Variants in AKT3 observed in about 807,000 individuals in gnomAD.
The protein encoded by AKT3 is RAC-gamma serine/threonine-protein kinase.
In AKT3, 15 loss-of-function variants were observed where a neutral mutation model predicts 65.3. The observed-to-expected ratio is 0.23, with a 90% CI of 0.15 to 0.35. The LOEUF (loss-of-function observed/expected upper bound fraction) is 0.35, where lower values mean the gene tolerates loss of function less well. Ranked by LOEUF, AKT3 falls within the 10% of genes least tolerant of loss-of-function variation. The pLI, the probability that AKT3 is intolerant of heterozygous loss-of-function variation, is 1.00. For synonymous variants in AKT3, 206 were observed against 183.8 expected (o/e 1.12, Z -0.98); for missense variants, 243 against 576.5 (o/e 0.42, Z 5.92).
chr1:243,701,826 C>G (rs1025007604), intron 2 of AKT3, among the ~76,000 whole-genome samples: 3 of 152,122 alleles, frequency 2.0e-5, no homozygotes, highest in African/African-American at 7.2e-5. Flanking sequence ...ACGGTGGGAG[C>G]ATCCTCACAT....
intron 4 of AKT3, among the ~76,000 whole-genome samples, chr1:243,652,771 C>CCA (rs761535967): frequency 6.4e-3 from 200 of 31,292 alleles, no homozygotes; most frequent in African/African-American, 0.025. Context: ...AAATAGAAAG[C>CCA]AAAAAAAAAA....
chr1:243,796,844 C>T (rs1420147545), intron 2 of AKT3, among the ~76,000 whole-genome samples: 1 of 152,016 alleles, frequency 6.6e-6, no homozygotes, highest in African/African-American at 2.4e-5. Context: ...ATGGATGAAC[C>T]TGGAAAACAC....
At chr1:243,680,143 A>T (rs1469712147) in intron 3 of AKT3, among the ~76,000 whole-genome samples, 1 of 152,172 alleles carries the variant, frequency 6.6e-6, no homozygotes, top group African/African-American at 2.4e-5. Flanking sequence ...AAAACATTAA[A>T]AATGTCTAAA....
chr1:243,790,355 T>C (rs1409023822), intron 2 of AKT3, among the ~76,000 whole-genome samples: 1 of 152,236 alleles, frequency 6.6e-6, no homozygotes, highest in Non-Finnish European at 1.5e-5. Flanking sequence ...TTTGCATTTT[T>C]ATGTTACGGA....
chr1:243,572,874 T>A (rs1233593833), intron 9 of AKT3, 52 bp downstream of exon 9: 3 of 1,520,436 alleles, frequency 2.0e-6, no homozygotes, highest in Admixed American at 2.0e-5. Context: ...TTTATGTTTG[T>A]CCCTATAGTC....
chr1:243,712,918 C>T (rs905135272), intron 2 of AKT3, among the ~76,000 whole-genome samples: 3 of 152,076 alleles, frequency 2.0e-5, no homozygotes, highest in South Asian at 2.1e-4. Context: ...TAAAAATGCA[C>T]GCTTGTCATT....
chr1:243,799,021 C>T (rs548910826), intron 2 of AKT3, among the ~76,000 whole-genome samples: 90 of 152,314 alleles, frequency 5.9e-4, no homozygotes, highest in Admixed American at 2.7e-3. Flanking sequence ...ACAGTTATTG[C>T]ACTTTTCTGA....
Position 243,731,471 on chromosome 1 carries a change from G to A in AKT3, c.47-35755C>T, listed in dbSNP as rs74366611. On this transcript the variant is annotated intron_variant, in intron 2 of 13. Coordinates refer to ENST00000673466, the MANE Select transcript of AKT3 (RefSeq NM_005465.7). Reference sequence around the variant, plus strand: ...AACAGTAACTAGGATAAGCCAAGGCGTCCTCTACACACATAGTGAGGCCAG... The same window carrying A: ...AACAGTAACTAGGATAAGCCAAGGCATCCTCTACACACATAGTGAGGCCAG... Among the ~76,000 whole-genome samples, 1,006 of 152,278 alleles carry A rather than the reference G, an allele frequency of 6.6e-3. 13 individuals are homozygous for A. Among genetic ancestry groups the A allele is most frequent in the African/African-American group, 0.023 (957 of 41,552 alleles).
chr1:243,613,076 T>TAC (rs1196629265), intron 8 of AKT3: 61 of 89,544 alleles, frequency 6.8e-4, no homozygotes, highest in African/African-American at 1.7e-3. Context: ...TATATATATA[T>TAC]ACACACACAC....
At chr1:243,569,781 A>G (rs1272969790) in intron 9 of AKT3, among the ~76,000 whole-genome samples, 1 of 152,242 alleles carries the variant, frequency 6.6e-6, no homozygotes, top group African/African-American at 2.4e-5. Flanking sequence ...ATGATTTCCA[A>G]TATAGTTATA....
chr1:243,712,398 T>G (rs538914153), intron 2 of AKT3, among the ~76,000 whole-genome samples: 1 of 152,170 alleles, frequency 6.6e-6, no homozygotes, highest in Non-Finnish European at 1.5e-5. Flanking sequence ...CAGAAAGACA[T>G]TACTCTGGAC....
At chr1:243,766,474 G>A (rs1689831660) in intron 2 of AKT3, among the ~76,000 whole-genome samples, 2 of 152,184 alleles carry the variant, frequency 1.3e-5, no homozygotes, top group Admixed American at 1.3e-4. Context: ...TTCTGCCAGG[G>A]AAAGGCAAGA....
In AKT3 at chr1:243,646,043, A is replaced by T; in HGVS notation, c.285-6T>A. ...TAGCTTCTGTCCATTCTTCCCTATA[A>T]AAATGAGTAAAATTTCCCATTAATA... On this transcript the variant is annotated splice_polypyrimidine_tract_variant and splice_region_variant and intron_variant, in intron 4 of 13. Transcript: ENST00000673466. 1 of 1,579,780 alleles carries T rather than the reference A, an allele frequency of 6.3e-7. No individual in the cohort carries two copies. The highest frequency in any genetic ancestry group is 8.6e-7 in the Non-Finnish European group (1 of 1,168,832).
intron 2 of AKT3, among the ~76,000 whole-genome samples, chr1:243,832,000 G>A (rs1434850991): frequency 6.6e-6 from 1 of 151,200 alleles, no homozygotes. Context: ...GACTAGAGAG[G>A]CCACCAACAG....
At position 243,588,431 on chromosome 1, in the gene AKT3, G is replaced by T. The variant is rs1675959209; in HGVS notation, c.697-15383C>A. Among the ~76,000 whole-genome samples, 3 of 152,138 alleles carry T rather than the reference G, an allele frequency of 2.0e-5. No individual in the cohort carries two copies. In the South Asian group the frequency reaches 6.2e-4, roughly 32 times the overall value. The stretch of plus-strand genomic sequence containing the variant: ...TGAAACCTGAACTTACACGAACAAA[G>T]CTAACATCAATACTGAAATATCAAT... On this transcript the variant is annotated intron_variant, in intron 8 of 13. Coordinates refer to ENST00000673466, the MANE Select transcript of AKT3 (RefSeq NM_005465.7).
At chr1:243,805,646 T>A (rs552596760) in intron 2 of AKT3, among the ~76,000 whole-genome samples, 1 of 152,184 alleles carries the variant, frequency 6.6e-6, no homozygotes. Flanking sequence ...CATTTCCTCA[T>A]GCACACCGCT....
At chr1:243,742,116 A>G (rs1688196372) in intron 2 of AKT3, among the ~76,000 whole-genome samples, 1 of 151,570 alleles carries the variant, frequency 6.6e-6, no homozygotes, top group Admixed American at 6.6e-5. Context: ...TGCAAATGTT[A>G]CACCATTGTA....
intron 5 of AKT3, among the ~76,000 whole-genome samples, chr1:243,642,819 T>C (rs938580311): frequency 6.6e-6 from 1 of 152,238 alleles, no homozygotes. Context: ...CACCAGAATA[T>C]AAGACACTGT....
chr1:243,819,277 G>A (rs1693714717), intron 2 of AKT3, among the ~76,000 whole-genome samples: 1 of 152,246 alleles, frequency 6.6e-6, no homozygotes, highest in Non-Finnish European at 1.5e-5. Flanking sequence ...AGCCAGCACT[G>A]TAGCTCCAGT....
Sources: gnomAD v4.1 joint callset for allele counts (sites outside exome capture counted in the v4.1 genomes callset) on GRCh38, gnomAD v4.1.1 for gene constraint, MANE v1.5 for transcripts, NCBI Gene and HGNC (gene_info 2026-07-23, HGNC 2026-07-21) for gene names.